The following PSD3 variants were observed in gnomAD, a reference collection of about 807,000 sequenced individuals.
The protein encoded by PSD3 is pleckstrin and Sec7 domain containing 3.
Under a neutral mutation model 105.5 loss-of-function variants are expected in PSD3, and 49 were observed. The observed-to-expected ratio is 0.46, with a 90% CI of 0.37 to 0.59. The LOEUF (loss-of-function observed/expected upper bound fraction) is 0.59. PSD3 is among the 20% of genes least tolerant of loss of function. PSD3 has a pLI of 0.00. For synonymous variants in PSD3, 557 were observed against 457.8 expected (o/e 1.22, Z -2.77); for missense variants, 1,561 against 1,263.8 (o/e 1.24, Z -3.57).
chr8:19,039,295 T>C (rs1828046280), intron 1 of PSD3, among the ~76,000 whole-genome samples: 1 of 152,198 alleles, frequency 6.6e-6, no homozygotes, highest in Non-Finnish European at 1.5e-5. Context: ...ACAAAATCAG[T>C]GCATGTATCT....
intron 2 of PSD3, among the ~76,000 whole-genome samples, chr8:18,916,951 C>A (rs1820658944): frequency 6.6e-6 from 1 of 151,986 alleles, no homozygotes; most frequent in Non-Finnish European, 1.5e-5. Flanking sequence ...AAAATCTCTT[C>A]CCTCTAGCCC....
intron 1 of PSD3, among the ~76,000 whole-genome samples, chr8:19,064,948 G>C (rs201044875): frequency 6.6e-6 from 1 of 152,156 alleles, no homozygotes; most frequent in African/African-American, 2.4e-5. Context: ...GGTCCCAACA[G>C]AACAGACCAA....
At chr8:18,943,196 C>A (rs934222561) in intron 1 of PSD3, among the ~76,000 whole-genome samples, 2 of 152,226 alleles carry the variant, frequency 1.3e-5, no homozygotes, top group Admixed American at 6.5e-5. Flanking sequence ...CAACCCCACA[C>A]CACTTTTGCA....
At chr8:18,687,641 A>G (rs1800733513) in intron 9 of PSD3, among the ~76,000 whole-genome samples, 1 of 152,074 alleles carries the variant, frequency 6.6e-6, no homozygotes, top group African/African-American at 2.4e-5. Flanking sequence ...TTTCCTATGC[A>G]TCCTTCCAGA....
At chr8:18,845,846 G>A (rs1362305002) in intron 4 of PSD3, among the ~76,000 whole-genome samples, 1 of 152,204 alleles carries the variant, frequency 6.6e-6, no homozygotes, top group Non-Finnish European at 1.5e-5. Context: ...TTATGGGAAA[G>A]AATACTGAAG....
intron 1 of PSD3, among the ~76,000 whole-genome samples, chr8:18,955,606 G>A (rs1009718116): frequency 6.6e-6 from 1 of 151,924 alleles, no homozygotes; most frequent in Non-Finnish European, 1.5e-5. Flanking sequence ...ATCTCCTAGA[G>A]GAGACAACAT....
At chr8:18,874,199 G>A (rs1419728776) in intron 2 of PSD3, among the ~76,000 whole-genome samples, 2 of 151,064 alleles carry the variant, frequency 1.3e-5, no homozygotes, top group Non-Finnish European at 2.9e-5. Flanking sequence ...GTCTCACTCT[G>A]TTTCCAGGCT....
chr8:18,631,156 G>C (rs967108123), intron 11 of PSD3, among the ~76,000 whole-genome samples: 3 of 152,020 alleles, frequency 2.0e-5, no homozygotes, highest in Non-Finnish European at 4.4e-5. Context: ...GTTACAGAGA[G>C]ATGGTATATT....
At chr8:18,808,694 G>A (rs1304995327) in intron 4 of PSD3, 1 of 1,605,174 alleles carries the variant, frequency 6.2e-7, no homozygotes, top group Non-Finnish European at 8.5e-7. Context: ...ATTTGAACAA[G>A]AACCGGAATT....
At chr8:18,732,408 C>T (rs1803827665) in intron 9 of PSD3, among the ~76,000 whole-genome samples, 1 of 152,252 alleles carries the variant, frequency 6.6e-6, no homozygotes, top group Non-Finnish European at 1.5e-5. Context: ...TTTAAATCAT[C>T]ATCAGTTCAT....
intron 15 of PSD3, among the ~76,000 whole-genome samples, 190 bp from the exon 16 acceptor site, chr8:18,536,148 G>A (rs916093756): frequency 6.6e-6 from 1 of 152,216 alleles, no homozygotes; most frequent in Admixed American, 6.5e-5. Context: ...GTCTTATGTA[G>A]ATAAGAAATT....
At chr8:18,556,382 TC>T in intron 14 of PSD3, 30 bp from the exon 15 acceptor site, 1 of 1,563,884 alleles carries the variant, frequency 6.4e-7, no homozygotes, top group Non-Finnish European at 8.6e-7. Context: ...CATTTAGCGT[TC>T]AAAAAAAAAA....
intron 8 of PSD3, among the ~76,000 whole-genome samples, chr8:18,796,154 A>G (rs182583334): frequency 2.8e-4 from 39 of 137,220 alleles, no homozygotes; most frequent in Admixed American, 1.2e-3. Flanking sequence ...TTTTAAAAGC[A>G]GGTACTGAAT....
chr8:19,029,878 C>A (rs1827698122), intron 1 of PSD3, among the ~76,000 whole-genome samples: 1 of 152,266 alleles, frequency 6.6e-6, no homozygotes, highest in South Asian at 2.1e-4. Flanking sequence ...GCTAAACTCA[C>A]TTATTAGTTC....
intron 1 of PSD3, among the ~76,000 whole-genome samples, chr8:19,006,958 A>T (rs762306718): frequency 8.5e-5 from 13 of 152,074 alleles, no homozygotes; most frequent in Non-Finnish European, 1.3e-4. Flanking sequence ...TTGCAACAAA[A>T]AGTCAACTGC....
intron 9 of PSD3, among the ~76,000 whole-genome samples, chr8:18,692,142 A>G (rs1801006550): frequency 6.6e-6 from 1 of 152,226 alleles, no homozygotes; most frequent in Non-Finnish European, 1.5e-5. Context: ...AAGACAAAAC[A>G]TCTGTTTAAA....
chr8:18,778,535 G>C (rs1375304816), intron 8 of PSD3, among the ~76,000 whole-genome samples: 2 of 152,016 alleles, frequency 1.3e-5, no homozygotes, highest in African/African-American at 4.8e-5. Flanking sequence ...TCTTGTTTTA[G>C]TTCTTAGAAG....
chr8:18,789,442 G>T (rs970819665), intron 8 of PSD3, among the ~76,000 whole-genome samples: 5 of 152,032 alleles, frequency 3.3e-5, no homozygotes, highest in African/African-American at 1.2e-4. Flanking sequence ...TCATAAATGT[G>T]TTATTCACTT....
In PSD3 at chr8:18,806,456, T is replaced by C. The variant is rs902803194; in HGVS notation, c.1635-1558A>G. Among the ~76,000 whole-genome samples the C allele has an allele frequency of 5.3e-5, 8 of 152,186 alleles. 1 individual carries two copies. Among genetic ancestry groups the C allele is most frequent in the Admixed American group, 3.3e-4 (5 of 15,274 alleles). On this transcript the variant is annotated intron_variant, in intron 4 of 15. Transcript: ENST00000327040. Reference sequence around the variant, plus strand: ...CTTGTATTTATAACAGTGAAACTAATGAGGATACATTAATTTCCAAATCTT... The same window carrying C: ...CTTGTATTTATAACAGTGAAACTAACGAGGATACATTAATTTCCAAATCTT...
Sources: allele counts gnomAD v4.1 joint callset (sites outside exome capture counted in the v4.1 genomes callset), GRCh38; gene constraint gnomAD v4.1.1; transcripts MANE v1.5; gene names NCBI Gene and HGNC (gene_info 2026-07-23, HGNC 2026-07-21).